The following EPHB2 variants were observed in gnomAD, a reference collection of about 807,000 sequenced individuals.
The protein encoded by EPHB2 is EPH receptor B2.
In EPHB2, 18 loss-of-function variants were observed where a neutral mutation model predicts 96.4. The ratio of observed to expected loss-of-function variants is 0.19; its 90% CI spans 0.13 to 0.28. The LOEUF is 0.28. Among genes scored for constraint, EPHB2 ranks in the 10% least tolerant of loss-of-function variants. EPHB2 has a pLI of 1.00. For missense variants in EPHB2, 989 were observed against 1,355.4 expected, an observed-to-expected ratio of 0.73 and a Z score of 4.25; for synonymous variants, 506 against 534.1, an observed-to-expected ratio of 0.95 and a Z score of 0.72.
intron 3 of EPHB2, among the ~76,000 whole-genome samples, chr1:22,843,421 G>T (rs1047744503): frequency 6.6e-6 from 1 of 152,120 alleles, no homozygotes; most frequent in Non-Finnish European, 1.5e-5. Flanking sequence ...TGGGGATTTG[G>T]TGTACAGATT....
intron 2 of EPHB2, among the ~76,000 whole-genome samples, chr1:22,782,553 A>AAGGC (rs1169413754): frequency 6.6e-6 from 1 of 151,846 alleles, no homozygotes; most frequent in Non-Finnish European, 1.5e-5. Context: ...TCCATCTGCG[A>AAGGC]AGGCGGCTGG....
chr1:22,834,118 A>T (rs550061667), intron 3 of EPHB2, among the ~76,000 whole-genome samples: 5 of 152,302 alleles, frequency 3.3e-5, no homozygotes, highest in African/African-American at 9.6e-5. Context: ...ATATTTTAGC[A>T]TAGCTTTCTC....
intron 3 of EPHB2, among the ~76,000 whole-genome samples, chr1:22,853,293 C>T (rs989517677): frequency 6.6e-6 from 1 of 152,240 alleles, no homozygotes; most frequent in Admixed American, 6.5e-5. Context: ...GCGGAGCTTG[C>T]AGTGAGCCAA....
At chr1:22,903,266 A>G (rs577432566) in intron 9 of EPHB2, among the ~76,000 whole-genome samples, 32 of 152,310 alleles carry the variant, frequency 2.1e-4, no homozygotes, top group Admixed American at 9.1e-4. Context: ...CCTGTCCTCT[A>G]TCCCCATCAG....
At chr1:22,841,467 C>T (rs1645467785) in intron 3 of EPHB2, among the ~76,000 whole-genome samples, 1 of 152,224 alleles carries the variant, frequency 6.6e-6, no homozygotes, top group Non-Finnish European at 1.5e-5. Context: ...GGACCTTGGC[C>T]CACTTCTGCC....
In EPHB2 at chr1:22,875,746, G is replaced by C. The variant is rs569697765; in HGVS notation, c.1304-6613G>C. 6.6e-5 allele frequency among the ~76,000 whole-genome samples: 10 copies of C among 152,264 alleles called. No homozygotes were observed. In the South Asian group the frequency reaches 1.7e-3, roughly 25 times the overall value. ...GCTCTGGGGATAAAGGATTGAATGA[G>C]AGACAAGGTCCCTGACCTCAGATAG... is the stretch of plus-strand genomic sequence containing the variant. On this transcript the variant is annotated intron_variant, in intron 5 of 15. Coordinates refer to ENST00000374630, the MANE Select transcript of EPHB2 (RefSeq NM_017449.5). This position sits in a 1 kb window ranked among gnomAD's most constrained non-coding sequence, Gnocchi z 4.2.
intron 1 of EPHB2, among the ~76,000 whole-genome samples, chr1:22,722,094 T>A (rs1557635790): frequency 6.6e-6 from 1 of 152,156 alleles, no homozygotes; most frequent in African/African-American, 2.4e-5. Flanking sequence ...ACTACAATCA[T>A]GTGCCACCAC....
rs191054597 is a variant in EPHB2 at position 22,882,580 on chromosome 1, C to T, written c.1428+97C>T. The T allele has an allele frequency of 1.7e-3, 2,721 of 1,573,318 alleles. 12 individuals carry two copies. Among genetic ancestry groups the T allele is most frequent in the Middle Eastern group, 8.5e-3 (42 of 4,938 alleles). ...AGTTCTGCCCCACCGCAAGATGAGA[C>T]GCACTGGTGCAGCAGAAAGAGCACT... is the stretch of plus-strand genomic sequence containing the variant. On this transcript the variant is annotated intron_variant, in intron 6 of 15. Transcript: ENST00000374630.
intron 3 of EPHB2, chr1:22,800,295 C>T (rs749540216): frequency 5.2e-5 from 8 of 152,398 alleles, no homozygotes; most frequent in Admixed American, 1.3e-4. Context: ...TGGGCATGTA[C>T]GTACATTTCA....
At chr1:22,752,861 G>A (rs1225348283) in intron 1 of EPHB2, among the ~76,000 whole-genome samples, 3 of 152,112 alleles carry the variant, frequency 2.0e-5, no homozygotes, top group African/African-American at 7.2e-5. Flanking sequence ...ATGACTTGCT[G>A]CAGCGTCAGA....
rs1640216464 is a variant in EPHB2, at chr1:22,914,575, C to T, written c.*1005C>T. 6.6e-6 allele frequency: 1 copy of T among 152,472 alleles called. No individual in the cohort carries two copies. Among genetic ancestry groups the T allele is most frequent in the Non-Finnish European group, 1.5e-5 (1 of 68,024 alleles). The allele number at this position is 152,472 out of a possible 1,614,324, so 9.4% of individuals were successfully genotyped here. Reference sequence around the variant, plus strand: ...GTTTTTTTTAATGACAATGAAGTGACACTTTGACATTTCCTACCTTTTGAG... The same window carrying T: ...GTTTTTTTTAATGACAATGAAGTGATACTTTGACATTTCCTACCTTTTGAG... On this transcript the variant is annotated 3_prime_UTR_variant, in exon 16 of 16. Coordinates refer to ENST00000374630, the MANE Select transcript of EPHB2 (RefSeq NM_017449.5).
chr1:22,828,306 G>A lies in EPHB2; in HGVS notation c.812-34731G>A, dbSNP rs534609074. Reference sequence around the variant, plus strand: ...TCCATGGACCCTGGCAGAAGTAGCAGCAGGGCCTACACTGGTCCATGACTC... The same window carrying A: ...TCCATGGACCCTGGCAGAAGTAGCAACAGGGCCTACACTGGTCCATGACTC... On this transcript the variant is annotated intron_variant, in intron 3 of 15. Coordinates refer to ENST00000374630, the MANE Select transcript of EPHB2 (RefSeq NM_017449.5). Among the ~76,000 whole-genome samples the A allele has an allele frequency of 8.2e-4, 125 of 152,238 alleles. No homozygotes were observed. The South Asian group carries it at 0.021, about 26-fold the overall frequency.
chr1:22,795,226 G>T (rs1455967186), intron 3 of EPHB2, among the ~76,000 whole-genome samples: 1 of 152,228 alleles, frequency 6.6e-6, no homozygotes, highest in Non-Finnish European at 1.5e-5. Context: ...CTTAAACCAA[G>T]ACCTGCCTGA....
chr1:22,712,579 G>A (rs1424862790), intron 1 of EPHB2, among the ~76,000 whole-genome samples: 1 of 152,206 alleles, frequency 6.6e-6, no homozygotes. Flanking sequence ...CGCAGTCAGG[G>A]GGTGGGGGGT....
intron 5 of EPHB2, among the ~76,000 whole-genome samples, chr1:22,873,336 C>G (rs1377829688): frequency 6.6e-6 from 1 of 152,218 alleles, no homozygotes. Flanking sequence ...GGAGCAACAA[C>G]TCTGCTCCAA....
At chr1:22,859,299 G>A (rs922419064) in intron 3 of EPHB2, among the ~76,000 whole-genome samples, 3 of 144,538 alleles carry the variant, frequency 2.1e-5, no homozygotes, top group African/African-American at 5.2e-5. Context: ...GGGCCTGGTG[G>A]GGGGGGGGGT....
intron 8 of EPHB2, 22 bp from the exon 9 acceptor site, chr1:22,896,392 C>T (rs758839296): frequency 1.2e-6 from 2 of 1,614,066 alleles, no homozygotes; most frequent in African/African-American, 1.3e-5. Flanking sequence ...GTGGCTCCAG[C>T]CCTTTGCTCT....
intron 1 of EPHB2, among the ~76,000 whole-genome samples, chr1:22,744,650 C>T (rs1400252130): frequency 2.7e-5 from 3 of 111,866 alleles, no homozygotes; most frequent in South Asian, 6.1e-4. Flanking sequence ...TGAGCCTGGG[C>T]GACAGAGTGA....
At position 22,895,462 on chromosome 1, in the gene EPHB2, T is replaced by C; in HGVS notation, c.1592-10T>C. On this transcript the variant is annotated splice_polypyrimidine_tract_variant and intron_variant, in intron 7 of 15. Coordinates refer to ENST00000374630, the MANE Select transcript of EPHB2 (RefSeq NM_017449.5). ...CAGGCTGAGAATGCCCTACCATGCT[T>C]TCTCCCCAGCCGAGTACCAGACAAG... The C allele has an allele frequency of 6.2e-7, 1 of 1,614,078 alleles. No individual in the cohort carries two copies.
Sources: gnomAD v4.1 joint callset for allele counts (sites outside exome capture counted in the v4.1 genomes callset) on GRCh38, gnomAD v4.1.1 for gene constraint, Gnocchi (gnomAD v3.1) non-coding constraint, MANE v1.5 for transcripts, NCBI Gene and HGNC (gene_info 2026-07-23, HGNC 2026-07-21) for gene names.